Variants in ZNF23 observed in about 807,000 individuals in gnomAD.
The protein encoded by ZNF23 is kruppel-like zinc finger factor X31.
In ZNF23, 48 loss-of-function variants were observed where a neutral mutation model predicts 56.2. That is an observed-to-expected ratio of 0.85 (90% confidence interval 0.68 to 1.09). The LOEUF is 1.09. Ranked by LOEUF, ZNF23 falls within the 50% of genes least tolerant of loss-of-function variation. The pLI is 0.00. For missense variants in ZNF23, 805 were observed against 811.4 expected (o/e 0.99, Z 0.10); for synonymous variants, 266 against 283.3 (o/e 0.94, Z 0.61).
intron 4 of ZNF23, 100 bp downstream of exon 4, chr16:71,453,143 T>TACA: frequency 1.3e-6 from 1 of 793,820 alleles, no homozygotes; most frequent in Non-Finnish European, 2.1e-6. Flanking sequence ...TCACTCTGTA[T>TACA]GACTGGCCAA....
intron 2 of ZNF23, among the ~76,000 whole-genome samples, chr16:71,454,931 C>T (rs2043173906): frequency 2.0e-5 from 3 of 152,218 alleles, no homozygotes; most frequent in Admixed American, 1.3e-4. Flanking sequence ...CTTCGTGTCA[C>T]TCCCAGGCCC....
intron 2 of ZNF23, among the ~76,000 whole-genome samples, chr16:71,455,476 C>A (rs753148458): frequency 2.6e-5 from 4 of 152,280 alleles, no homozygotes; most frequent in Admixed American, 2.6e-4. Context: ...CCTGCCTCAG[C>A]CTCCTGAGTA....
intron 3 of ZNF23, 165 bp downstream of exon 3, chr16:71,453,877 T>C: frequency 1.3e-6 from 1 of 795,450 alleles, no homozygotes; most frequent in South Asian, 1.7e-5. Context: ...TACAAAAGGC[T>C]TGGCATTTGC....
At chr16:71,456,742 G>C in intron 2 of ZNF23, 22 bp downstream of exon 2, 2 of 986,056 alleles carry the variant, frequency 2.0e-6, no homozygotes, top group Non-Finnish European at 2.4e-6. Flanking sequence ...CAGAGGAAGA[G>C]CTGAAGGACC....
At chr16:71,453,757 A>T in intron 3 of ZNF23, 1 of 554,790 alleles carries the variant, frequency 1.8e-6, no homozygotes, top group Non-Finnish European at 3.2e-6. Context: ...GGGCAACTGA[A>T]GATGCCACTG....
Position 71,448,094 on chromosome 16 carries a change from T to C in ZNF23, c.2060A>G (p.Ter687=). Reference sequence around the variant, plus strand: ...GAGTTTTCTATATCTTTCTCATTATTAGGATTTTCCTTCACTATGGACACT... The same window carrying C: ...GAGTTTTCTATATCTTTCTCATTATCAGGATTTTCCTTCACTATGGACACT... The part of the protein sequence containing the change: ...HQSVHSEGKS[*] Residue 687 remains the stop codon, a stop_retained_variant, in exon 5 of 5, where the codon TAA becomes TGA. Coordinates refer to ENST00000647773, the MANE Select transcript of ZNF23 (RefSeq NM_001381984.1). 1 of 1,578,320 alleles carries C rather than the reference T, an allele frequency of 6.3e-7. No homozygotes were observed. The highest frequency in any genetic ancestry group is 8.6e-7 in the Non-Finnish European group (1 of 1,164,600).
At chr16:71,454,003 A>G (rs746454205) in intron 3 of ZNF23, 39 bp downstream of exon 3, 26 of 1,611,968 alleles carry the variant, frequency 1.6e-5, no homozygotes, top group East Asian at 6.7e-5. Context: ...AGGAACCCCA[A>G]TTGGCAGATT....
intron 4 of ZNF23, 107 bp from the exon 5 acceptor site, chr16:71,449,992 C>T: frequency 1.2e-6 from 1 of 840,986 alleles, no homozygotes; most frequent in South Asian, 2.3e-5. Context: ...TTAAAATCAC[C>T]AGACTAGGTC....
chr16:71,449,635 C>T lies in ZNF23; in HGVS notation c.519G>A (p.Gln173=). 2 of 1,613,946 alleles carry T rather than the reference C, an allele frequency of 1.2e-6. No individual in the cohort carries two copies. The highest frequency in any genetic ancestry group is 2.2e-5 in the East Asian group (1 of 44,878). Reference sequence around the variant, plus strand: ...GCTGCTCTCCAGTGATGGTATGACACTGATATGAGTTTGAACTTTGACTAA... The same window carrying T: ...GCTGCTCTCCAGTGATGGTATGACATTGATATGAGTTTGAACTTTGACTAA... ...CFFSQSSNSY[Q]CHTITGEQPS... The change falls in exon 5 of 5, where the codon CAG becomes CAA. Residue 173 remains glutamine, a synonymous_variant. Coordinates refer to ENST00000647773, the MANE Select transcript of ZNF23 (RefSeq NM_001381984.1).
At chr16:71,458,482 A>AC in intron 1 of ZNF23, among the ~76,000 whole-genome samples, 1 of 152,192 alleles carries the variant, frequency 6.6e-6, no homozygotes, top group East Asian at 1.9e-4. Context: ...GGTTAGAGTT[A>AC]GAGACTAAAC....
intron 1 of ZNF23, among the ~76,000 whole-genome samples, chr16:71,459,806 A>G (rs899490764): frequency 6.6e-6 from 1 of 152,220 alleles, no homozygotes; most frequent in Non-Finnish European, 1.5e-5. Flanking sequence ...CCAATCTACT[A>G]ACTTCTACTT....
In ZNF23 at chr16:71,448,941, T is replaced by C. The variant is rs748709377; in HGVS notation, c.1213A>G (p.Lys405Glu). 1.2e-6 allele frequency: 2 copies of C among 1,614,250 alleles called. No individual in the cohort carries two copies. The highest frequency in any genetic ancestry group is 1.1e-5 in the South Asian group (1 of 91,088). ...CCACACTCTTTACACTGATAGGGCT[T>C]TTCTCCTGTGTGGATGCTCTGATGC... ...RQHQSIHTGE[K>E]PYQCKECGKG... Residue 405 changes from lysine (K) to glutamate (E), a missense_variant, in exon 5 of 5, where the codon AAG (lysine) becomes GAG (glutamate). Physicochemically the swap from Lys to Glu is moderately conservative, Grantham distance 56. Transcript: ENST00000647773.
chr16:71,453,646 A>T (rs2043129391), intron 3 of ZNF23: 6 of 469,624 alleles, frequency 1.3e-5, no homozygotes, highest in Admixed American at 7.2e-5. Flanking sequence ...CAGGGCAAGC[A>T]GGGAGATTCT....
Position 71,456,797 on chromosome 16 carries a change from C to A in ZNF23, c.-1G>T, listed in dbSNP as rs1388790855. On this transcript the variant is annotated 5_prime_UTR_variant, in exon 2 of 5. Coordinates refer to ENST00000647773, the MANE Select transcript of ZNF23 (RefSeq NM_001381984.1). ...AGGCTGTCAGGTGCATGGCTGCCAT[C>A]CCCTGGTCCCCGTCTCAGAGAAGGG... The A allele has an allele frequency of 2.0e-6, 2 of 985,920 alleles. No homozygotes were observed. The highest frequency in any genetic ancestry group is 2.3e-4 in the East Asian group (2 of 8,830). The allele number at this position is 985,920 out of a possible 1,614,324, so 61.1% of individuals were successfully genotyped here.
intron 1 of ZNF23, among the ~76,000 whole-genome samples, chr16:71,457,973 C>G (rs2043302167): frequency 6.6e-6 from 1 of 152,072 alleles, no homozygotes; most frequent in Admixed American, 6.5e-5. Flanking sequence ...AAGGCAGCTG[C>G]CCCCCAGTAT....
At chr16:71,455,019 G>A (rs748263773) in intron 2 of ZNF23, among the ~76,000 whole-genome samples, 6 of 152,082 alleles carry the variant, frequency 3.9e-5, no homozygotes, top group South Asian at 2.1e-4. Context: ...CAACCATGGG[G>A]GCTCACTGGC....
At chr16:71,454,405 A>C (rs933512899) in intron 2 of ZNF23, among the ~76,000 whole-genome samples, 9 of 152,230 alleles carry the variant, frequency 5.9e-5, no homozygotes, top group African/African-American at 2.2e-4. Flanking sequence ...GGTCACATTA[A>C]GACAGGCTGA....
chr16:71,449,889 T>TA lies in ZNF23; in HGVS notation c.269-5dup. On this transcript the variant is annotated splice_region_variant and splice_polypyrimidine_tract_variant and intron_variant, in intron 4 of 4. Transcript: ENST00000647773. ...TCATTGTCAGTCTGAATATCTACTA[T>TA]AAAAAACAGAAAACATAAAATGTCA... 5 of 1,571,508 alleles carry TA rather than the reference T, an allele frequency of 3.2e-6. No individual in the cohort carries two copies. In the South Asian group the frequency reaches 3.6e-5, roughly 11 times the overall value.
At chr16:71,459,844 C>T (rs2043376583) in intron 1 of ZNF23, among the ~76,000 whole-genome samples, 1 of 152,044 alleles carries the variant, frequency 6.6e-6, no homozygotes, top group Non-Finnish European at 1.5e-5. Flanking sequence ...TTTTTTGTGA[C>T]TCATGTCCAT....
Sources: gnomAD v4.1 joint callset for allele counts (sites outside exome capture counted in the v4.1 genomes callset) on GRCh38, gnomAD v4.1.1 for gene constraint, MANE v1.5 for transcripts, NCBI Gene and HGNC (gene_info 2026-07-23, HGNC 2026-07-21) for gene names.